The following EDIL3 variants were observed in gnomAD, a reference collection of about 807,000 sequenced individuals.
The protein encoded by EDIL3 is EGF like and discoidin domains 3, also known as EGF-like repeat and discoidin I-like domain-containing protein 3.
In EDIL3, 37 loss-of-function variants were observed where a neutral mutation model predicts 67.4. The ratio of observed to expected loss-of-function variants is 0.55; its 90% CI spans 0.42 to 0.72. The LOEUF is 0.72. Among genes scored for constraint, EDIL3 ranks in the 30% least tolerant of loss-of-function variants. The probability of loss-of-function intolerance (pLI) is 0.00; values close to 1 mark genes in which losing one functional copy is unlikely to be tolerated. For missense variants in EDIL3, 527 were observed against 586.3 expected, an observed-to-expected ratio of 0.90 and a Z score of 1.04; for synonymous variants, 195 against 196.3, an observed-to-expected ratio of 0.99 and a Z score of 0.05.
At chr5:84,231,602 T>C (rs1356509970) in intron 2 of EDIL3, among the ~76,000 whole-genome samples, 1 of 152,228 alleles carries the variant, frequency 6.6e-6, no homozygotes, top group Non-Finnish European at 1.5e-5. Flanking sequence ...TTAGACAAGC[T>C]GACTTTGTGT....
At chr5:84,171,845 T>A (rs1748817298) in intron 4 of EDIL3, among the ~76,000 whole-genome samples, 1 of 152,182 alleles carries the variant, frequency 6.6e-6, no homozygotes, top group Non-Finnish European at 1.5e-5. Flanking sequence ...TAAGTCAGAA[T>A]CTCTGGGGTG....
intron 9 of EDIL3, among the ~76,000 whole-genome samples, chr5:84,008,806 T>C (rs4302563): frequency 0.65 from 99,370 of 151,874 alleles, 33,640 homozygotes; most frequent in East Asian, 0.88. Flanking sequence ...TTTTGTTTTG[T>C]TTTGTTTTGT....
At chr5:84,038,870 T>G (rs1163043125) in intron 9 of EDIL3, among the ~76,000 whole-genome samples, 1 of 152,244 alleles carries the variant, frequency 6.6e-6, no homozygotes, top group African/African-American at 2.4e-5. Flanking sequence ...CTAGTTTCTA[T>G]GTTAATGCTA....
chr5:83,995,258 TC>T (rs1745219160), intron 9 of EDIL3, among the ~76,000 whole-genome samples: 1 of 151,902 alleles, frequency 6.6e-6, no homozygotes, highest in Admixed American at 6.6e-5. Flanking sequence ...TCTTCTCAGC[TC>T]CCCTAACACC....
At chr5:84,006,281 T>A (rs984462932) in intron 9 of EDIL3, among the ~76,000 whole-genome samples, 2 of 151,968 alleles carry the variant, frequency 1.3e-5, no homozygotes, top group Non-Finnish European at 2.9e-5. Context: ...ACTGAAAGAT[T>A]CAATGCTATT....
intron 3 of EDIL3, 27 bp from the exon 4 acceptor site, chr5:84,180,548 C>A: frequency 6.5e-7 from 1 of 1,535,276 alleles, no homozygotes; most frequent in East Asian, 2.3e-5. Context: ...AATATTTCTG[C>A]TTGATGCATA....
intron 1 of EDIL3, among the ~76,000 whole-genome samples, chr5:84,338,105 TCTCTTTACTAATACTAATA>T (rs1580086765): frequency 1.3e-5 from 2 of 152,158 alleles, no homozygotes; most frequent in South Asian, 2.1e-4. Flanking sequence ...TTTTTCATAT[TCTCTTTACTAATACTAATA>T]CTCTTTACTA....
rs148381647 is a variant in EDIL3 at position 84,066,179 on chromosome 5, C to T, written c.807+272G>A. Reference sequence around the variant, plus strand: ...ATAAAAATGTATCATTAAAATAAAGCTTAATTGTCATACAAAAGACTGTGT... The same window carrying T: ...ATAAAAATGTATCATTAAAATAAAGTTTAATTGTCATACAAAAGACTGTGT... On this transcript the variant is annotated intron_variant, in intron 7 of 10. Transcript: ENST00000296591. Among the ~76,000 whole-genome samples the T allele has an allele frequency of 4.4e-3, 663 of 150,548 alleles. 3 individuals carry two copies. The highest frequency in any genetic ancestry group is 7.6e-3 in the Non-Finnish European group (512 of 67,754).
At chr5:83,996,135 G>T (rs1230478110) in intron 9 of EDIL3, among the ~76,000 whole-genome samples, 1 of 152,098 alleles carries the variant, frequency 6.6e-6, no homozygotes, top group Non-Finnish European at 1.5e-5. Flanking sequence ...TATAAGCATG[G>T]CAGTCAATAC....
intron 3 of EDIL3, among the ~76,000 whole-genome samples, chr5:84,216,165 G>A (rs1283095827): frequency 6.6e-6 from 1 of 152,160 alleles, no homozygotes; most frequent in African/African-American, 2.4e-5. Flanking sequence ...AATGATTTTG[G>A]TTTGAGCCAT....
rs556955415 is a variant in EDIL3 at position 84,360,798 on chromosome 5, G to A, written c.67+23510C>T. ...TATATCCAAACTGAGGAGACAGTGG[G>A]TGTAAATATATTGCTAGTATTGGCA... On this transcript the variant is annotated intron_variant, in intron 1 of 10. Transcript: ENST00000296591. Among the ~76,000 whole-genome samples, 4 of 152,210 alleles carry A rather than the reference G, an allele frequency of 2.6e-5. No individual in the cohort carries two copies. The South Asian group carries it at 8.3e-4, about 32-fold the overall frequency.
chr5:84,247,344 C>T (rs545917587), intron 2 of EDIL3, among the ~76,000 whole-genome samples: 1 of 152,230 alleles, frequency 6.6e-6, no homozygotes, highest in Admixed American at 6.5e-5. Context: ...AAGAGAGCTA[C>T]TTAAGGCTCG....
intron 3 of EDIL3, among the ~76,000 whole-genome samples, chr5:84,194,598 A>G (rs1408195174): frequency 6.6e-6 from 1 of 151,962 alleles, no homozygotes; most frequent in Non-Finnish European, 1.5e-5. Flanking sequence ...TGCAAACCCA[A>G]TTAAAAATGT....
chr5:84,314,900 A>G (rs1189829491), intron 1 of EDIL3, among the ~76,000 whole-genome samples: 3 of 152,130 alleles, frequency 2.0e-5, no homozygotes, highest in Admixed American at 6.6e-5. Context: ...AAAACTATTT[A>G]AAATATAAAT....
At chr5:84,276,482 T>G (rs931931204) in intron 1 of EDIL3, among the ~76,000 whole-genome samples, 5 of 152,212 alleles carry the variant, frequency 3.3e-5, no homozygotes, top group Non-Finnish European at 7.3e-5. Flanking sequence ...ATCGTTTCCT[T>G]CATAATCTTA....
intron 1 of EDIL3, among the ~76,000 whole-genome samples, chr5:84,303,754 C>G (rs1328984797): frequency 2.6e-5 from 4 of 151,676 alleles, no homozygotes; most frequent in African/African-American, 9.7e-5. Context: ...TCTTCCAGCT[C>G]TTTAATTCCA....
chr5:84,164,664 T>G (rs2112342998), intron 4 of EDIL3, among the ~76,000 whole-genome samples: 1 of 152,180 alleles, frequency 6.6e-6, no homozygotes, highest in Non-Finnish European at 1.5e-5. Context: ...TATCACTCAC[T>G]TATTTATAAA....
intron 4 of EDIL3, among the ~76,000 whole-genome samples, chr5:84,156,609 C>T (rs1748495728): frequency 6.6e-6 from 1 of 152,180 alleles, no homozygotes; most frequent in Admixed American, 6.5e-5. Context: ...GCTCAGTTTG[C>T]TATCTTAAAA....
intron 3 of EDIL3, among the ~76,000 whole-genome samples, chr5:84,184,394 G>A (rs192784986): frequency 6.6e-6 from 1 of 152,326 alleles, no homozygotes; most frequent in Admixed American, 6.5e-5. Flanking sequence ...TCTTCAAGGA[G>A]AGACAGAATC....
Sources: gnomAD v4.1 joint callset for allele counts (sites outside exome capture counted in the v4.1 genomes callset) on GRCh38, gnomAD v4.1.1 for gene constraint, MANE v1.5 for transcripts, NCBI Gene and HGNC (gene_info 2026-07-23, HGNC 2026-07-21) for gene names.